Variants in VGLL3 observed in about 807,000 individuals in gnomAD.
The protein encoded by VGLL3 is transcription cofactor vestigial-like protein 3.
In VGLL3, 18 loss-of-function variants were observed where a neutral mutation model predicts 29.2. That is an observed-to-expected ratio of 0.62 (90% CI 0.43 to 0.91). The LOEUF (loss-of-function observed/expected upper bound fraction) is 0.91, where lower values mean the gene tolerates loss of function less well. Ranked by LOEUF, VGLL3 falls within the 40% of genes least tolerant of loss-of-function variation. The probability of loss-of-function intolerance (pLI) is 0.00; values close to 1 mark genes in which losing one functional copy is unlikely to be tolerated. For synonymous variants in VGLL3, 180 were observed against 151.8 expected (o/e 1.19, Z -1.36); for missense variants, 440 against 413.2 (o/e 1.06, Z -0.56).
chr3:86,940,407 A>G lies in VGLL3; in HGVS notation c.*6617T>C, dbSNP rs1003300533. 1.3e-5 allele frequency: 2 copies of G among 152,550 alleles called. No individual in the cohort carries two copies. The highest frequency in any genetic ancestry group is 2.9e-5 in the Non-Finnish European group (2 of 68,004). 9.4% of individuals were successfully genotyped at this position (152,550 alleles called of 1,614,324 possible). On this transcript the variant is annotated 3_prime_UTR_variant, in exon 4 of 4. Transcript: ENST00000398399. The stretch of plus-strand genomic sequence containing the variant: ...TGCTGTTATGTAATTAATATACCCC[A>G]TTTCATTTTCTTTTCCATTATAAAC...
chr3:86,962,167 C>G, intron 3 of VGLL3: 1 of 985,350 alleles, frequency 1.0e-6, no homozygotes, highest in Non-Finnish European at 1.2e-6. Flanking sequence ...TAAAGATGAG[C>G]ATTTTTCACG....
In VGLL3 at chr3:86,944,496, G is replaced by C. The variant is rs62257344; in HGVS notation, c.*2528C>G. The C allele has an allele frequency of 6.6e-6, 1 of 152,270 alleles. No homozygotes were observed. Among genetic ancestry groups the C allele is most frequent in the Admixed American group, 6.6e-5 (1 of 15,258 alleles). The allele number at this position is 152,270 out of a possible 1,614,324, so 9.4% of individuals were successfully genotyped here. A position where few individuals can be genotyped will look rare whatever the true frequency, so the allele number is the denominator to read the frequency against. On this transcript the variant is annotated 3_prime_UTR_variant, in exon 4 of 4. Coordinates refer to ENST00000398399, the MANE Select transcript of VGLL3 (RefSeq NM_016206.4). ...ACTCCTGGGCTCAAGCAATCCTCCC[G>C]AGCCTCTGCCTCCTATAATACTAGG...
chr3:86,960,932 GATATATATATATATATAT>G lies in VGLL3; in HGVS notation c.937+7640_937+7657del, dbSNP rs57744873. On this transcript the variant is annotated intron_variant, in intron 3 of 3. Coordinates refer to ENST00000398399, the MANE Select transcript of VGLL3 (RefSeq NM_016206.4). ...TATTAGGTTATGCAAAAGTAATTGTGATATATATATATATATATATATATATATATATATGCATATGAT... is the reference window on the plus strand; with the variant it reads ...TATTAGGTTATGCAAAAGTAATTGTGATATATATATATATATGCATATGAT... Among the ~76,000 whole-genome samples, 17 of 137,950 alleles carry G rather than the reference GATATATATATATATATAT, an allele frequency of 1.2e-4. No homozygotes were observed. The East Asian group carries it at 2.8e-3, about 22-fold the overall frequency. The allele number at this position is 137,950 out of a possible 152,430, so 90.5% of individuals were successfully genotyped here.
At chr3:86,949,116 T>C (rs1202504647) in intron 3 of VGLL3, among the ~76,000 whole-genome samples, 1 of 152,202 alleles carries the variant, frequency 6.6e-6, no homozygotes. Flanking sequence ...TTTGCCTGTC[T>C]TATTCTTGCT....
intron 3 of VGLL3, among the ~76,000 whole-genome samples, chr3:86,947,462 T>G (rs1399186242): frequency 6.6e-6 from 1 of 152,190 alleles, no homozygotes; most frequent in Non-Finnish European, 1.5e-5. Context: ...AATTAATACT[T>G]TCAGTAACAA....
At chr3:86,959,477 A>G (rs975923657) in intron 3 of VGLL3, among the ~76,000 whole-genome samples, 1 of 152,140 alleles carries the variant, frequency 6.6e-6, no homozygotes, top group Admixed American at 6.6e-5. Flanking sequence ...AGCATCTACA[A>G]TATATGATAT....
intron 1 of VGLL3, among the ~76,000 whole-genome samples, chr3:86,983,111 A>G (rs1705362762): frequency 6.6e-6 from 1 of 152,222 alleles, no homozygotes; most frequent in African/African-American, 2.4e-5. Context: ...CCAAGGCTTA[A>G]GCCTACAAAA....
chr3:86,940,119 G>C lies in VGLL3; in HGVS notation c.*6905C>G, dbSNP rs1224061850. 2 of 152,178 alleles carry C rather than the reference G, an allele frequency of 1.3e-5. No individual in the cohort carries two copies. The highest frequency in any genetic ancestry group is 2.9e-5 in the Non-Finnish European group (2 of 68,042). The allele number at this position is 152,178 out of a possible 1,614,324, so 9.4% of individuals were successfully genotyped here. A position where few individuals can be genotyped will look rare whatever the true frequency, so the allele number is the denominator to read the frequency against. ...ATGCTGGAAAGTCTATTATTTAAAT[G>C]CTGATTTTCAGACTTTAGTACTTTC... On this transcript the variant is annotated 3_prime_UTR_variant, in exon 4 of 4. Transcript: ENST00000398399.
At chr3:86,990,587 C>A (rs1233550285) in intron 1 of VGLL3, 31 bp downstream of exon 1, 3 of 1,320,598 alleles carry the variant, frequency 2.3e-6, no homozygotes, top group East Asian at 2.8e-5. Context: ...TTCGCCCCCG[C>A]CCCCAGCAGG....
In VGLL3 at chr3:86,991,047, C is replaced by G. The variant is rs1037558936; in HGVS notation, c.-304G>C. 1 of 637,522 alleles carries G rather than the reference C, an allele frequency of 1.6e-6. No individual in the cohort carries two copies. Among genetic ancestry groups the G allele is most frequent in the Non-Finnish European group, 2.0e-6 (1 of 508,864 alleles). The allele number at this position is 637,522 out of a possible 1,614,324, so 39.5% of individuals were successfully genotyped here. On this transcript the variant is annotated 5_prime_UTR_variant, in exon 1 of 4. Transcript: ENST00000398399. ...TGCGCCGCTGGGGCATTACCGCGTC[C>G]GGCTCCCGCGAGGGCTGCGGCGCCC...
Position 86,938,033 on chromosome 3 carries a change from G to A in VGLL3, c.*8991C>T, listed in dbSNP as rs2106935786. The A allele has an allele frequency of 6.6e-6, 1 of 152,256 alleles. No homozygotes were observed. The highest frequency in any genetic ancestry group is 1.5e-5 in the Non-Finnish European group (1 of 68,014). The allele number at this position is 152,256 out of a possible 1,614,324, so 9.4% of individuals were successfully genotyped here. A position where few individuals can be genotyped will look rare whatever the true frequency, so the allele number is the denominator to read the frequency against. On this transcript the variant is annotated 3_prime_UTR_variant, in exon 4 of 4. Coordinates refer to ENST00000398399, the MANE Select transcript of VGLL3 (RefSeq NM_016206.4). The stretch of plus-strand genomic sequence containing the variant: ...TTTAACACAAAATGGCACATAGCAT[G>A]ATATCATGTCACCCATTGATCCTTG...
intron 2 of VGLL3, among the ~76,000 whole-genome samples, chr3:86,970,221 A>T (rs868083443): frequency 2.0e-5 from 3 of 152,266 alleles, no homozygotes; most frequent in East Asian, 1.9e-4. Context: ...TTTATACACG[A>T]CCTACTATGT....
At chr3:86,954,269 G>T (rs569252678) in intron 3 of VGLL3, among the ~76,000 whole-genome samples, 76 of 152,308 alleles carry the variant, frequency 5.0e-4, no homozygotes, top group African/African-American at 1.8e-3. Flanking sequence ...GTTATTTTAA[G>T]AAGTACAGCA....
Position 86,968,936 on chromosome 3 carries a change from T to G in VGLL3, c.591A>C (p.Pro197=), listed in dbSNP as rs1330991697. The change falls in exon 3 of 4, where the codon CCA becomes CCC. Residue 197 remains proline (P), a synonymous_variant. Coordinates refer to ENST00000398399, the MANE Select transcript of VGLL3 (RefSeq NM_016206.4). ...WPGHNLHQTG[P]APPPAVSESW... ...ACTCAGACACAGCAGGGGGAGGGGC[T>G]GGGCCAGTCTGATGCAGGTTGTGTC... is the stretch of plus-strand genomic sequence containing the variant. The G allele has an allele frequency of 1.2e-6, 2 of 1,614,076 alleles. No individual in the cohort carries two copies. The highest frequency in any genetic ancestry group is 2.2e-5 in the South Asian group (2 of 91,062).
At chr3:86,950,952 C>T (rs888478113) in intron 3 of VGLL3, among the ~76,000 whole-genome samples, 1 of 152,038 alleles carries the variant, frequency 6.6e-6, no homozygotes, top group African/African-American at 2.4e-5. Context: ...TCAGTTAGGA[C>T]AAAAGCCTGA....
intron 3 of VGLL3, among the ~76,000 whole-genome samples, chr3:86,956,355 G>A (rs1469211285): frequency 6.6e-6 from 1 of 152,160 alleles, no homozygotes; most frequent in Non-Finnish European, 1.5e-5. Flanking sequence ...TATAGTGAGT[G>A]AGCACATCAG....
In VGLL3 at chr3:86,946,257, A is replaced by T. The variant is rs1704503946; in HGVS notation, c.*767T>A. ...TTCTTTGGGAGAAATCAAAGCAATA[A>T]AATATCATTTCTTTAGCACAGTCAT... On this transcript the variant is annotated 3_prime_UTR_variant, in exon 4 of 4. Transcript: ENST00000398399. The T allele has an allele frequency of 6.6e-6, 1 of 152,180 alleles. No individual in the cohort carries two copies. The highest frequency in any genetic ancestry group is 6.5e-5 in the Admixed American group (1 of 15,282). The allele number at this position is 152,180 out of a possible 1,614,324, so 9.4% of individuals were successfully genotyped here.
rs1704479694 is a variant in VGLL3, at chr3:86,945,152, C to A, written c.*1872G>T. The A allele has an allele frequency of 6.6e-6, 1 of 152,094 alleles. No individual in the cohort carries two copies. Among genetic ancestry groups the A allele is most frequent in the African/African-American group, 2.4e-5 (1 of 41,410 alleles). The allele number at this position is 152,094 out of a possible 1,614,324, so 9.4% of individuals were successfully genotyped here. A position where few individuals can be genotyped will look rare whatever the true frequency, so the allele number is the denominator to read the frequency against. ...TGGACCCCACAATGGTAAAAATGTG[C>A]ATATTGTGTAAAAGAGAGTCTAGGT... On this transcript the variant is annotated 3_prime_UTR_variant, in exon 4 of 4. Coordinates refer to ENST00000398399, the MANE Select transcript of VGLL3 (RefSeq NM_016206.4).
intron 3 of VGLL3, among the ~76,000 whole-genome samples, chr3:86,961,115 C>T (rs1704829990): frequency 6.6e-6 from 1 of 151,552 alleles, no homozygotes; most frequent in African/African-American, 2.4e-5. Context: ...ATATTTATAA[C>T]AAAATTGTAG....
Sources: gnomAD v4.1 joint callset for allele counts (sites outside exome capture counted in the v4.1 genomes callset) on GRCh38, gnomAD v4.1.1 for gene constraint, MANE v1.5 for transcripts, NCBI Gene and HGNC (gene_info 2026-07-23, HGNC 2026-07-21) for gene names.